Variants in CTNNA3 observed in about 807,000 individuals in gnomAD.
CTNNA3 encodes catenin alpha 3, also known as catenin alpha-3.
In CTNNA3, 76 loss-of-function variants were observed where a neutral mutation model predicts 95.7. The ratio of observed to expected loss-of-function variants is 0.79; its 90% CI spans 0.66 to 0.96. The LOEUF is 0.96. Ranked by LOEUF, CTNNA3 falls within the 40% of genes least tolerant of loss-of-function variation. The pLI is 0.00. For synonymous variants in CTNNA3, 431 were observed against 374.4 expected (o/e 1.15, Z -1.74); for missense variants, 1,191 against 1,089.8 (o/e 1.09, Z -1.31).
intron 11 of CTNNA3, among the ~76,000 whole-genome samples, chr10:66,486,028 A>G (rs930795730): frequency 4.6e-5 from 7 of 152,294 alleles, no homozygotes; most frequent in East Asian, 1.9e-4. Context: ...GAAGAATACA[A>G]TTAGGCCCTT....
At chr10:67,463,691 C>T (rs1028071712) in intron 5 of CTNNA3, among the ~76,000 whole-genome samples, 3 of 152,298 alleles carry the variant, frequency 2.0e-5, no homozygotes, top group African/African-American at 7.2e-5. Flanking sequence ...TCTTGAATTA[C>T]CTAATAATTT....
chr10:67,308,772 G>A (rs576098252), intron 5 of CTNNA3, among the ~76,000 whole-genome samples: 2 of 152,280 alleles, frequency 1.3e-5, no homozygotes, highest in African/African-American at 4.8e-5. Flanking sequence ...TCATTTGAAA[G>A]TTAAGGACAT....
At chr10:67,391,592 G>A (rs1341004927) in intron 5 of CTNNA3, among the ~76,000 whole-genome samples, 227 of 151,712 alleles carry the variant, frequency 1.5e-3, no homozygotes, top group African/African-American at 5.1e-3. Context: ...AGCCCACATC[G>A]CCAAGGCAAT....
intron 17 of CTNNA3, among the ~76,000 whole-genome samples, chr10:65,946,054 G>C (rs2077511986): frequency 6.6e-6 from 1 of 152,146 alleles, no homozygotes; most frequent in Non-Finnish European, 1.5e-5. Flanking sequence ...AGGGAACTGG[G>C]TTTAAGATAT....
chr10:67,648,645 GAGTTTCTTCTCAAATCAA>G, intron 1 of CTNNA3: 13 of 858,816 alleles, frequency 1.5e-5, no homozygotes, highest in Non-Finnish European at 2.1e-5. Context: ...GATATTACTT[GAGTTTCTTCTCAAATCAA>G]AGTTTCAAAT....
At chr10:66,676,108 AACACAC>A (rs58800149) in intron 9 of CTNNA3, among the ~76,000 whole-genome samples, 17 of 150,466 alleles carry the variant, frequency 1.1e-4, no homozygotes, top group Non-Finnish European at 2.1e-4. Context: ...AAACCTTTAA[AACACAC>A]ACACACACAC....
intron 5 of CTNNA3, among the ~76,000 whole-genome samples, chr10:67,330,731 C>T (rs1161152623): frequency 6.6e-6 from 1 of 151,770 alleles, no homozygotes; most frequent in Non-Finnish European, 1.5e-5. Context: ...ATTCATACCA[C>T]ATTAATAAAG....
chr10:67,077,000 G>A (rs1189215356), intron 7 of CTNNA3, among the ~76,000 whole-genome samples: 8 of 152,164 alleles, frequency 5.3e-5, no homozygotes, highest in African/African-American at 1.7e-4. Flanking sequence ...ATTGTCTCTT[G>A]TTTCAGGCAA....
At position 65,920,356 on chromosome 10, in the gene CTNNA3, C is replaced by T. The variant is rs867483256; in HGVS notation, c.2662G>A (p.Glu888Lys). 1.2e-6 allele frequency: 2 copies of T among 1,613,732 alleles called. No individual in the cohort carries two copies. Among genetic ancestry groups the T allele is most frequent in the Non-Finnish European group, 8.5e-7 (1 of 1,179,926 alleles). The part of the protein sequence containing the change: ...KKIHPLQVMS[E>K]FRGRQIY ...CAGTAGATTTGTCTTCCTCTAAATT[C>T]ACTCATGACTTGCAATGGATGGATT... The change falls in exon 18 of 18, where the codon GAA (glutamate) becomes AAA (lysine). Residue 888 changes from glutamate (E) to lysine (K), a missense_variant. Coordinates refer to ENST00000433211, the MANE Select transcript of CTNNA3 (RefSeq NM_013266.4).
chr10:67,554,566 T>C (rs1384058475), intron 3 of CTNNA3, among the ~76,000 whole-genome samples: 1 of 152,258 alleles, frequency 6.6e-6, no homozygotes, highest in Non-Finnish European at 1.5e-5. Flanking sequence ...TTTTGAGAAG[T>C]GTCTATTCAT....
chr10:66,445,969 C>T (rs1343574226), intron 11 of CTNNA3, among the ~76,000 whole-genome samples: 1 of 151,906 alleles, frequency 6.6e-6, no homozygotes, highest in South Asian at 2.1e-4. Context: ...CAAATAGATG[C>T]AATAAAAAAT....
intron 17 of CTNNA3, among the ~76,000 whole-genome samples, chr10:65,935,022 T>G (rs1395222687): frequency 6.6e-6 from 1 of 152,000 alleles, no homozygotes; most frequent in Non-Finnish European, 1.5e-5. Context: ...CATATGACTG[T>G]CCCCTATTCA....
chr10:66,501,300 C>T (rs1322692005), intron 11 of CTNNA3, among the ~76,000 whole-genome samples: 1 of 152,052 alleles, frequency 6.6e-6, no homozygotes, highest in African/African-American at 2.4e-5. Context: ...AAATAGTGAT[C>T]ACAAATTCAA....
chr10:67,165,274 T>C (rs75479877), intron 7 of CTNNA3, among the ~76,000 whole-genome samples: 1 of 152,144 alleles, frequency 6.6e-6, no homozygotes, highest in Non-Finnish European at 1.5e-5. Context: ...ACTGTGTAAT[T>C]CCATTTATAA....
intron 12 of CTNNA3, among the ~76,000 whole-genome samples, chr10:66,343,313 T>G (rs957374726): frequency 6.6e-6 from 1 of 152,014 alleles, no homozygotes; most frequent in African/African-American, 2.4e-5. Context: ...AGGCAAGACA[T>G]GAAATCAACC....
At chr10:67,082,722 A>C (rs1857113020) in intron 7 of CTNNA3, among the ~76,000 whole-genome samples, 2 of 152,196 alleles carry the variant, frequency 1.3e-5, no homozygotes. Flanking sequence ...TAAAGATAAA[A>C]TAAAGTACTT....
intron 7 of CTNNA3, among the ~76,000 whole-genome samples, chr10:66,986,371 C>T (rs1225582613): frequency 4.6e-5 from 7 of 152,072 alleles, no homozygotes; most frequent in African/African-American, 4.8e-5. Flanking sequence ...GTGGCACATG[C>T]CTATAGTCCC....
intron 15 of CTNNA3, among the ~76,000 whole-genome samples, chr10:66,026,830 T>C (rs1397675470): frequency 1.3e-5 from 2 of 152,152 alleles, no homozygotes; most frequent in Non-Finnish European, 2.9e-5. Flanking sequence ...TCACCCATGG[T>C]TGAGCTCTAA....
chr10:67,710,541 A>G (rs1005766449), intron 1 of CTNNA3, among the ~76,000 whole-genome samples: 28 of 152,142 alleles, frequency 1.8e-4, no homozygotes, highest in African/African-American at 6.8e-4. Flanking sequence ...TAGCCTCCAG[A>G]TGGAAGAGAC....
Sources: allele counts gnomAD v4.1 joint callset (sites outside exome capture counted in the v4.1 genomes callset), GRCh38; gene constraint gnomAD v4.1.1; transcripts MANE v1.5; gene names NCBI Gene and HGNC (gene_info 2026-07-23, HGNC 2026-07-21).